LIMCH1: variants seen among roughly 807,000 people sequenced by gnomAD.
LIMCH1 encodes LIM and calponin homology domains 1, also known as LIM and calponin homology domains-containing protein 1.
In LIMCH1, 113 loss-of-function variants were observed where a neutral mutation model predicts 176.5. The observed-to-expected ratio is 0.64, with a 90% CI of 0.55 to 0.75. The LOEUF (loss-of-function observed/expected upper bound fraction) is 0.75, where lower values mean the gene tolerates loss of function less well. Among genes scored for constraint, LIMCH1 ranks in the 30% least tolerant of loss-of-function variants. The pLI, the probability that LIMCH1 is intolerant of heterozygous loss-of-function variation, is 0.00. For synonymous variants in LIMCH1, 619 were observed against 645.9 expected, an observed-to-expected ratio of 0.96 and a Z score of 0.63; for missense variants, 1,674 against 1,814.9, an observed-to-expected ratio of 0.92 and a Z score of 1.41.
At position 41,695,743 on chromosome 4, in the gene LIMCH1, A is replaced by G. The variant is rs1229531180; in HGVS notation, c.4379-1417A>G. ...CTAATTTCAATTAAGTTAACTCATG[A>G]CAGAGAGAATGACCAGCACATCTGA... On this transcript the variant is annotated intron_variant, in intron 31 of 31. Transcript: ENST00000503057. Among the ~76,000 whole-genome samples, 3 of 152,090 alleles carry G rather than the reference A, an allele frequency of 2.0e-5. No homozygotes were observed. In the East Asian group the frequency reaches 5.8e-4, roughly 29 times the overall value.
At chr4:41,471,841 G>T (rs1410092860) in intron 1 of LIMCH1, among the ~76,000 whole-genome samples, 2 of 152,046 alleles carry the variant, frequency 1.3e-5, no homozygotes, top group African/African-American at 2.4e-5. Context: ...CTTTAGCTCT[G>T]CACACACTCT....
intron 18 of LIMCH1, among the ~76,000 whole-genome samples, chr4:41,659,213 G>T (rs1054390553): frequency 6.6e-6 from 1 of 152,102 alleles, no homozygotes; most frequent in Admixed American, 6.5e-5. Flanking sequence ...CTCTTGCAGG[G>T]ATTCAAGTCA....
At chr4:41,435,434 C>T (rs1204834489) in intron 1 of LIMCH1, among the ~76,000 whole-genome samples, 11 of 152,202 alleles carry the variant, frequency 7.2e-5, no homozygotes, top group Non-Finnish European at 1.5e-4. Context: ...AAATTTCCTA[C>T]CCCTAGAACT....
At chr4:41,689,408 T>G (rs1021350203) in intron 29 of LIMCH1, 119 bp from the exon 30 acceptor site, 1 of 580,296 alleles carries the variant, frequency 1.7e-6, no homozygotes, top group African/African-American at 1.9e-5. Context: ...CTCATTTCAT[T>G]CATGATATAG....
At chr4:41,437,180 G>C (rs145223622) in intron 1 of LIMCH1, among the ~76,000 whole-genome samples, 1 of 152,144 alleles carries the variant, frequency 6.6e-6, no homozygotes, top group Non-Finnish European at 1.5e-5. Flanking sequence ...AGTGCTGATC[G>C]GCTGCCTTTT....
intron 4 of LIMCH1, among the ~76,000 whole-genome samples, chr4:41,608,750 C>A (rs953752953): frequency 1.3e-5 from 2 of 152,020 alleles, no homozygotes; most frequent in Non-Finnish European, 2.9e-5. Context: ...AAAGTCCTTC[C>A]AAAGGAAGTG....
intron 4 of LIMCH1, among the ~76,000 whole-genome samples, chr4:41,611,236 C>T (rs1252916714): frequency 6.6e-6 from 1 of 152,170 alleles, no homozygotes; most frequent in Admixed American, 6.5e-5. Flanking sequence ...TACAGCTTTG[C>T]AGCATAGGAA....
At chr4:41,578,967 C>T (rs966131519) in intron 1 of LIMCH1, among the ~76,000 whole-genome samples, 14 of 151,972 alleles carry the variant, frequency 9.2e-5, no homozygotes, top group Admixed American at 7.9e-4. Context: ...CCTCCCAAAG[C>T]GCTGAGCTTA....
At chr4:41,573,257 C>T (rs889544724) in intron 1 of LIMCH1, among the ~76,000 whole-genome samples, 5 of 152,294 alleles carry the variant, frequency 3.3e-5, no homozygotes, top group African/African-American at 1.2e-4. Flanking sequence ...CATCAACAAT[C>T]AATTTAGAAA....
At chr4:41,538,111 A>G (rs192069405), upstream of LIMCH1, 292 of 954,324 alleles carry the variant, frequency 3.1e-4, 2 homozygotes, top group African/African-American at 4.8e-3. Flanking sequence ...CTCCCTCTCC[A>G]ATAGGTGTGG....
At chr4:41,421,220 G>A (rs1019227211) in intron 1 of LIMCH1, among the ~76,000 whole-genome samples, 1 of 152,184 alleles carries the variant, frequency 6.6e-6, no homozygotes, top group African/African-American at 2.4e-5. Flanking sequence ...GTAAAGTGGA[G>A]ATCATTGTGC....
chr4:41,572,297 A>C (rs112950489), intron 1 of LIMCH1, among the ~76,000 whole-genome samples: 33 of 152,338 alleles, frequency 2.2e-4, no homozygotes, highest in African/African-American at 7.5e-4. Flanking sequence ...GGGGTTTAGA[A>C]ACCACAGAGA....
At chr4:41,467,151 G>GTATATATATATA (rs147016551) in intron 1 of LIMCH1, among the ~76,000 whole-genome samples, 11 of 60,732 alleles carry the variant, frequency 1.8e-4, no homozygotes, top group African/African-American at 1.5e-3. Flanking sequence ...ATATGTGTAT[G>GTATATATATATA]TATATATACA....
chr4:41,689,426 A>C (rs1723592886), intron 29 of LIMCH1, 101 bp from the exon 30 acceptor site: 1 of 645,066 alleles, frequency 1.6e-6, no homozygotes. Flanking sequence ...TAGGCATCTT[A>C]AAAATCCATA....
At chr4:41,418,489 T>C (rs2060134763) in intron 1 of LIMCH1, among the ~76,000 whole-genome samples, 1 of 152,202 alleles carries the variant, frequency 6.6e-6, no homozygotes, top group African/African-American at 2.4e-5. Context: ...AGTGTTTATG[T>C]GCCAGTGAAG....
intron 1 of LIMCH1, among the ~76,000 whole-genome samples, chr4:41,369,679 T>G (rs988710306): frequency 1.9e-4 from 29 of 152,170 alleles, no homozygotes; most frequent in Admixed American, 1.0e-3. Context: ...CACGAATTTT[T>G]TTTGTGTGTG....
At chr4:41,377,759 G>A (rs2054985434) in intron 1 of LIMCH1, among the ~76,000 whole-genome samples, 1 of 152,230 alleles carries the variant, frequency 6.6e-6, no homozygotes, top group African/African-American at 2.4e-5. Flanking sequence ...ATCCCAAGAT[G>A]TTGCGGGGCA....
intron 21 of LIMCH1, among the ~76,000 whole-genome samples, chr4:41,668,129 G>A (rs1473366930): frequency 6.6e-6 from 1 of 151,942 alleles, no homozygotes; most frequent in Non-Finnish European, 1.5e-5. Flanking sequence ...TTTAAGGGTG[G>A]GCAGCTATTT....
intron 1 of LIMCH1, among the ~76,000 whole-genome samples, chr4:41,456,732 G>A (rs891282714): frequency 6.6e-6 from 1 of 152,216 alleles, no homozygotes; most frequent in Non-Finnish European, 1.5e-5. Context: ...TTTGGTCAGA[G>A]TTCTGCAGGG....
Sources: allele counts gnomAD v4.1 joint callset (sites outside exome capture counted in the v4.1 genomes callset), GRCh38; gene constraint gnomAD v4.1.1; transcripts MANE v1.5; gene names NCBI Gene and HGNC (gene_info 2026-07-23, HGNC 2026-07-21).